The following PSG1 variants were observed in gnomAD, a reference collection of about 807,000 sequenced individuals.
PSG1 encodes pregnancy specific beta-1-glycoprotein 1.
PSG1 carries 60 observed loss-of-function variants against 41.4 expected under a neutral mutation model. The observed-to-expected ratio is 1.45, with a 90% CI of 1.18 to 1.80. The LOEUF is 1.80. Among genes scored for constraint, PSG1 ranks in the 40% most tolerant of loss-of-function variants. The probability of loss-of-function intolerance (pLI) is 0.00; values close to 1 mark genes in which losing one functional copy is unlikely to be tolerated. For synonymous variants in PSG1, 256 were observed against 192.9 expected (o/e 1.33, Z -2.71); for missense variants, 806 against 516.9 (o/e 1.56, Z -5.42).
Position 42,878,843 on chromosome 19 carries a change from G to A in PSG1, c.65-565C>T, listed in dbSNP as rs556034017. On this transcript the variant is annotated intron_variant, in intron 1 of 5. Transcript: ENST00000436291. ...CTGGAACAGGCTGCAGACTCCTGTA[G>A]ATGTGAGAGTTCTCAGGGCCCTCCA... Among the ~76,000 whole-genome samples, 68 of 151,606 alleles carry A rather than the reference G, an allele frequency of 4.5e-4. 1 individual carries two copies. Among genetic ancestry groups the A allele is most frequent in the African/African-American group, 1.3e-3 (53 of 41,320 alleles).
intron 2 of PSG1, among the ~76,000 whole-genome samples, chr19:42,874,989 T>C (rs1322239465): frequency 1.3e-5 from 2 of 151,774 alleles, no homozygotes; most frequent in African/African-American, 2.4e-5. Flanking sequence ...AGGAAGTGAC[T>C]GGAGAATGTG....
intron 1 of PSG1, among the ~76,000 whole-genome samples, chr19:42,878,771 G>A (rs1971734594): frequency 6.6e-6 from 1 of 150,422 alleles, no homozygotes; most frequent in Non-Finnish European, 1.5e-5. Context: ...GACAGCGTGA[G>A]CTCCGTGAAG....
In PSG1 at chr19:42,878,063, C is replaced by T. The variant is rs370886568; in HGVS notation, c.280G>A (p.Ala94Thr). 102 of 1,612,250 alleles carry T rather than the reference C, an allele frequency of 6.3e-5. 2 individuals carry two copies. The highest frequency in any genetic ancestry group is 8.1e-5 in the Non-Finnish European group (96 of 1,179,170). The change falls in exon 2 of 6, where the codon GCA becomes ACA. Residue 94 changes from alanine (A) to threonine (T), a missense_variant. Physicochemically the swap from Ala to Thr is moderately conservative, Grantham distance 58. Transcript: ENST00000436291. Reference sequence around the variant, plus strand: ...TATGCTGTTTCTCGTCCACTATATGCAGGCCCATATATAATTATTTCACCG... The same window carrying T: ...TATGCTGTTTCTCGTCCACTATATGTAGGCCCATATATAATTATTTCACCG... ...VDGEIIIYGP[A>T]YSGRETAYSN...
In PSG1 at chr19:42,879,673, C is replaced by A. The variant is rs1457592835; in HGVS notation, c.-92G>T. 6.5e-7 allele frequency: 1 copy of A among 1,547,722 alleles called. No homozygotes were observed. Reference sequence around the variant, plus strand: ...GGCTGTCAGCTGTGCTGTCCTTCCTCTTTCTGTGCTGAGCCTCTTCCCAGG... The same window carrying A: ...GGCTGTCAGCTGTGCTGTCCTTCCTATTTCTGTGCTGAGCCTCTTCCCAGG... On this transcript the variant is annotated 5_prime_UTR_variant, in exon 1 of 6. Coordinates refer to ENST00000436291, the MANE Select transcript of PSG1 (RefSeq NM_001184825.2).
In PSG1 at chr19:42,867,023, T is replaced by C. The variant is rs774395557; in HGVS notation, c.*111A>G. ...TGCTTCACGTACAAGGGTTTTCCCATGAAATTTACATTGAGTTGTCCACCT... is the reference window on the plus strand; with the variant it reads ...TGCTTCACGTACAAGGGTTTTCCCACGAAATTTACATTGAGTTGTCCACCT... On this transcript the variant is annotated 3_prime_UTR_variant, in exon 6 of 6. Coordinates refer to ENST00000436291, the MANE Select transcript of PSG1 (RefSeq NM_001184825.2). 2.6e-6 allele frequency: 2 copies of C among 767,230 alleles called. No individual in the cohort carries two copies. 47.5% of individuals were successfully genotyped at this position (767,230 alleles called of 1,614,324 possible).
At chr19:42,876,255 C>G (rs1476991218) in intron 2 of PSG1, among the ~76,000 whole-genome samples, 1 of 151,396 alleles carries the variant, frequency 6.6e-6, no homozygotes, top group Non-Finnish European at 1.5e-5. Context: ...TGGCAGTGAG[C>G]AGTGAGGGAG....
chr19:42,872,911 A>G (rs1173897300), intron 2 of PSG1, among the ~76,000 whole-genome samples: 2 of 151,804 alleles, frequency 1.3e-5, no homozygotes, highest in African/African-American at 2.4e-5. Context: ...TCTGGCCCTC[A>G]TGGACCATAT....
At chr19:42,877,600 G>T (rs1017219531) in intron 2 of PSG1, among the ~76,000 whole-genome samples, 2 of 151,684 alleles carry the variant, frequency 1.3e-5, no homozygotes, top group African/African-American at 4.8e-5. Flanking sequence ...CAGTTATCCA[G>T]GGTCTTTCTC....
In PSG1 at chr19:42,873,658, C is replaced by T. The variant is rs1971486480; in HGVS notation, c.431-1613G>A. Among the ~76,000 whole-genome samples the T allele has an allele frequency of 1.3e-5, 2 of 151,508 alleles. 1 individual carries two copies. Among genetic ancestry groups the T allele is most frequent in the Admixed American group, 1.3e-4 (2 of 15,150 alleles). ...TCACGTTATGCTCAAAGAAAGATGC[C>T]AAAGGTGATTTGAAATTAGCAGCTC... On this transcript the variant is annotated intron_variant, in intron 2 of 5. Coordinates refer to ENST00000436291, the MANE Select transcript of PSG1 (RefSeq NM_001184825.2).
intron 5 of PSG1, 67 bp from the exon 6 acceptor site, chr19:42,867,217 A>G: frequency 1.3e-6 from 1 of 762,086 alleles, no homozygotes. Flanking sequence ...GGTATACTAC[A>G]GTTTTTATTT....
intron 2 of PSG1, among the ~76,000 whole-genome samples, chr19:42,873,092 G>A (rs1389635100): frequency 2.0e-5 from 3 of 151,596 alleles, no homozygotes; most frequent in Admixed American, 6.6e-5. Flanking sequence ...GGGATCAGGG[G>A]AATAGGGTGT....
intron 3 of PSG1, chr19:42,869,488 C>T (rs1182655226): frequency 2.6e-5 from 5 of 191,788 alleles, no homozygotes; most frequent in Non-Finnish European, 5.5e-5. Context: ...AATAATGGGA[C>T]TTCCCTTTGT....
At chr19:42,874,634 C>T (rs374423372) in intron 2 of PSG1, among the ~76,000 whole-genome samples, 21 of 151,818 alleles carry the variant, frequency 1.4e-4, no homozygotes, top group African/African-American at 1.2e-4. Context: ...AGCCACTGTG[C>T]GCAGCCGTCT....
chr19:42,874,405 G>C (rs938453662), intron 2 of PSG1, among the ~76,000 whole-genome samples: 1 of 151,368 alleles, frequency 6.6e-6, no homozygotes, highest in Non-Finnish European at 1.5e-5. Flanking sequence ...GCAGTGCAGT[G>C]GCATGATCTC....
Position 42,868,218 on chromosome 19 carries a change from C to G in PSG1, c.1126G>C (p.Gly376Arg), listed in dbSNP as rs749238841. The change falls in exon 5 of 6, where the codon GGA becomes CGA. Residue 376 changes from glycine to arginine, a missense_variant. Coordinates refer to ENST00000436291, the MANE Select transcript of PSG1 (RefSeq NM_001184825.2). The stretch of plus-strand genomic sequence containing the variant: ...ATATGGCGGATAAAGAGCTTTTGTC[C>G]TGGTAGCTGAAACTTTTCATTAATT... ...WTINEKFQLP[G>R]QKLFIRHITT... is the part of the protein sequence containing the mutation. 87 of 1,612,234 alleles carry G rather than the reference C, an allele frequency of 5.4e-5. 1 individual carries two copies. Among genetic ancestry groups the G allele is most frequent in the Non-Finnish European group, 7.0e-5 (82 of 1,179,138 alleles).
At chr19:42,877,811 C>T in intron 2 of PSG1, 102 bp downstream of exon 2, 2 of 1,596,510 alleles carry the variant, frequency 1.3e-6, no homozygotes, top group Non-Finnish European at 1.7e-6. Flanking sequence ...GGACATAACG[C>T]AGTGAGTGAC....
chr19:42,875,138 C>A (rs1971550561), intron 2 of PSG1, among the ~76,000 whole-genome samples: 1 of 151,860 alleles, frequency 6.6e-6, no homozygotes, highest in African/African-American at 2.4e-5. Context: ...GCATGGCTGA[C>A]TCCATCTGGC....
chr19:42,877,864 G>C (rs1006105706), intron 2 of PSG1, 49 bp downstream of exon 2: 1 of 1,611,454 alleles, frequency 6.2e-7, no homozygotes, highest in Admixed American at 1.7e-5. Context: ...GTGTGAAGTA[G>C]AAGTGACCCC....
intron 5 of PSG1, 72 bp downstream of exon 5, chr19:42,868,029 C>T: frequency 6.2e-7 from 1 of 1,611,118 alleles, no homozygotes; most frequent in Non-Finnish European, 8.5e-7. Context: ...CAATTGTTTT[C>T]CTGACTCTTC....
Sources: gnomAD v4.1 joint callset for allele counts (sites outside exome capture counted in the v4.1 genomes callset) on GRCh38, gnomAD v4.1.1 for gene constraint, MANE v1.5 for transcripts, NCBI Gene and HGNC (gene_info 2026-07-23, HGNC 2026-07-21) for gene names.